Variants in PTK2 observed in about 807,000 individuals in gnomAD.
PTK2 encodes focal adhesion kinase 1.
PTK2 carries 45 observed loss-of-function variants against 150.1 expected under a neutral mutation model. That is an observed-to-expected ratio of 0.30 (90% CI 0.24 to 0.38). The LOEUF is 0.38. PTK2 is among the 10% of genes least tolerant of loss of function. The pLI is 1.00. For synonymous variants in PTK2, 432 were observed against 449.2 expected (o/e 0.96, Z 0.48); for missense variants, 919 against 1,307.3 (o/e 0.70, Z 4.58).
chr8:140,900,798 GA>G (rs550934378), intron 2 of PTK2, among the ~76,000 whole-genome samples: 207 of 151,932 alleles, frequency 1.4e-3, no homozygotes, highest in Non-Finnish European at 2.1e-3. Flanking sequence ...TAAAGGATTG[GA>G]AAAATTAATA....
intron 1 of PTK2, among the ~76,000 whole-genome samples, chr8:140,944,744 A>G (rs1010078582): frequency 4.6e-5 from 7 of 152,230 alleles, no homozygotes; most frequent in African/African-American, 1.7e-4. Context: ...CAGCGCACCC[A>G]CTGAACATAA....
intron 1 of PTK2, among the ~76,000 whole-genome samples, chr8:141,000,678 C>A (rs535215661): frequency 4.7e-5 from 7 of 150,214 alleles, no homozygotes; most frequent in African/African-American, 1.2e-4. Flanking sequence ...AGCCGCCCCC[C>A]CCTTCCTCCT....
At chr8:140,820,076 G>GTTTTGTTTTTTTTT (rs2100107280) in intron 8 of PTK2, among the ~76,000 whole-genome samples, 1 of 50,194 alleles carries the variant, frequency 2.0e-5, no homozygotes, top group Non-Finnish European at 4.2e-5. Context: ...TCTGACTTTG[G>GTTTTGTTTTTTTTT]TTTTTTTTTT....
chr8:140,997,504 T>C (rs547673685), intron 1 of PTK2, among the ~76,000 whole-genome samples: 18 of 152,346 alleles, frequency 1.2e-4, no homozygotes, highest in Middle Eastern at 3.4e-3. Context: ...GTTGTCTTAT[T>C]TTAAGAAACT....
intron 22 of PTK2, among the ~76,000 whole-genome samples, chr8:140,732,354 T>A (rs748675039): frequency 3.9e-5 from 6 of 152,216 alleles, no homozygotes; most frequent in Non-Finnish European, 8.8e-5. Flanking sequence ...TAAGAAGATA[T>A]CCATAAATTA....
intron 4 of PTK2, among the ~76,000 whole-genome samples, chr8:140,871,104 G>A (rs1236298601): frequency 1.3e-5 from 2 of 152,158 alleles, no homozygotes; most frequent in Non-Finnish European, 2.9e-5. Flanking sequence ...AAAGCATGCT[G>A]TCATGTTATG....
intron 1 of PTK2, among the ~76,000 whole-genome samples, chr8:140,990,409 T>C (rs944838967): frequency 1.3e-5 from 2 of 151,918 alleles, no homozygotes; most frequent in East Asian, 1.9e-4. Flanking sequence ...TAATTATTAT[T>C]ATTATATTCT....
chr8:140,714,551 C>CT (rs2100038552), intron 23 of PTK2, among the ~76,000 whole-genome samples: 1 of 150,972 alleles, frequency 6.6e-6, no homozygotes, highest in East Asian at 1.9e-4. Flanking sequence ...AACCCCAGCA[C>CT]TTTGGGAGGC....
exon 32 of PTK2, chr8:140,658,299 T>C (rs2075168809): frequency 1.2e-5 from 2 of 168,242 alleles, no homozygotes; most frequent in Admixed American, 6.4e-5. Context: ...AGAGGCTTCC[T>C]GATAATTATT....
At chr8:140,990,232 A>AT (rs11312570) in intron 1 of PTK2, among the ~76,000 whole-genome samples, 1,754 of 146,818 alleles carry the variant, frequency 0.012, 25 homozygotes, top group African/African-American at 0.037. Context: ...TCCTTGACCA[A>AT]TTTTTTTTTT....
intron 4 of PTK2, among the ~76,000 whole-genome samples, chr8:140,874,211 C>T (rs909235939): frequency 1.3e-5 from 2 of 152,182 alleles, no homozygotes; most frequent in Non-Finnish European, 2.9e-5. Context: ...TGACCAAATA[C>T]GTGTGCTGCA....
intron 1 of PTK2, among the ~76,000 whole-genome samples, chr8:140,994,906 G>A (rs985237529): frequency 1.3e-5 from 2 of 152,050 alleles, no homozygotes; most frequent in African/African-American, 4.8e-5. Context: ...CCAACATGGA[G>A]AAACCCCATC....
chr8:140,786,559 T>C (rs1325877754), intron 14 of PTK2, among the ~76,000 whole-genome samples: 1 of 151,860 alleles, frequency 6.6e-6, no homozygotes, highest in Non-Finnish European at 1.5e-5. Context: ...TTGTGGAAGA[T>C]AGAAACATAT....
At chr8:140,881,189 G>A (rs1020899126) in intron 3 of PTK2, among the ~76,000 whole-genome samples, 9 of 152,180 alleles carry the variant, frequency 5.9e-5, no homozygotes, top group Non-Finnish European at 1.0e-4. Flanking sequence ...ATTCCTGACA[G>A]GGCCACTGTA....
chr8:140,815,435 G>T (rs1278429027), intron 10 of PTK2, among the ~76,000 whole-genome samples: 1 of 152,144 alleles, frequency 6.6e-6, no homozygotes, highest in Non-Finnish European at 1.5e-5. Context: ...TAAAAGTGGG[G>T]AGGGGATTGG....
At chr8:140,842,289 C>G (rs1368144702) in intron 7 of PTK2, among the ~76,000 whole-genome samples, 1 of 151,912 alleles carries the variant, frequency 6.6e-6, no homozygotes, top group Non-Finnish European at 1.5e-5. Flanking sequence ...TTTAAAAGGG[C>G]TCAAAATTAA....
chr8:140,961,123 G>A (rs1587569753), intron 1 of PTK2, among the ~76,000 whole-genome samples: 1 of 152,318 alleles, frequency 6.6e-6, no homozygotes, highest in East Asian at 1.9e-4. Context: ...TATCACTAGA[G>A]CAAGTTTGGG....
intron 1 of PTK2, among the ~76,000 whole-genome samples, chr8:140,937,188 C>T (rs952180466): frequency 5.9e-5 from 9 of 152,080 alleles, no homozygotes; most frequent in Non-Finnish European, 1.2e-4. Flanking sequence ...TAAGAACATC[C>T]ATTTTTTAAA....
intron 5 of PTK2, among the ~76,000 whole-genome samples, chr8:140,857,604 C>G (rs2100133487): frequency 6.6e-6 from 1 of 152,124 alleles, no homozygotes. Flanking sequence ...GAAATAAGAA[C>G]AAATACAAGC....
Sources: allele counts gnomAD v4.1 joint callset (sites outside exome capture counted in the v4.1 genomes callset), GRCh38; gene constraint gnomAD v4.1.1; transcripts MANE v1.5; gene names NCBI Gene and HGNC (gene_info 2026-07-23, HGNC 2026-07-21).